SLC16A7: variants seen among roughly 807,000 people sequenced by gnomAD.
SLC16A7 encodes solute carrier family 16 member 7, also known as monocarboxylate transporter 2.
A neutral mutation model predicts 34.9 loss-of-function variants in SLC16A7; 33 were observed. The observed-to-expected ratio is 0.94, with a 90% CI of 0.72 to 1.26. The LOEUF is 1.26. Ranked by LOEUF, SLC16A7 falls within the 50% of genes most tolerant of loss-of-function variation. SLC16A7 has a pLI of 0.00. For missense variants in SLC16A7, 573 were observed against 578.1 expected (o/e 0.99, Z 0.09); for synonymous variants, 201 against 206.6 (o/e 0.97, Z 0.23).
At chr12:59,728,181 A>T (rs1003618504) in intron 3 of SLC16A7, among the ~76,000 whole-genome samples, 3 of 152,268 alleles carry the variant, frequency 2.0e-5, no homozygotes, top group Admixed American at 1.3e-4. Context: ...CTGAATGTTT[A>T]AAAAAATCAC....
At chr12:59,657,548 T>C (rs1868597715) in intron 2 of SLC16A7, among the ~76,000 whole-genome samples, 1 of 151,994 alleles carries the variant, frequency 6.6e-6, no homozygotes, top group Non-Finnish European at 1.5e-5. Flanking sequence ...AAAGACATTG[T>C]TGAGAGAGGA....
chr12:59,748,345 CTG>C (rs1010990325), intron 3 of SLC16A7, among the ~76,000 whole-genome samples: 3 of 152,192 alleles, frequency 2.0e-5, no homozygotes, highest in African/African-American at 7.2e-5. Context: ...CTGAAATTAA[CTG>C]TAATACATAC....
intron 1 of SLC16A7, among the ~76,000 whole-genome samples, chr12:59,606,231 T>C (rs1313259885): frequency 1.3e-5 from 2 of 152,198 alleles, no homozygotes; most frequent in Admixed American, 6.5e-5. Flanking sequence ...TATGAGGAGA[T>C]TCAAGTGCTG....
chr12:59,771,452 C>A, intron 4 of SLC16A7, 90 bp downstream of exon 4: 1 of 935,194 alleles, frequency 1.1e-6, no homozygotes, highest in Non-Finnish European at 1.5e-6. Flanking sequence ...TTCTTATTTT[C>A]TTTGAATTTA....
chr12:59,687,906 G>A (rs1871282250), intron 2 of SLC16A7, among the ~76,000 whole-genome samples: 1 of 152,208 alleles, frequency 6.6e-6, no homozygotes, highest in South Asian at 2.1e-4. Context: ...ATGGATGGGG[G>A]CTATACTTTG....
intron 2 of SLC16A7, among the ~76,000 whole-genome samples, chr12:59,684,228 T>C (rs1870971643): frequency 6.6e-6 from 1 of 152,072 alleles, no homozygotes; most frequent in South Asian, 2.1e-4. Context: ...GCTAAGAAAA[T>C]AACTAGAAAA....
At chr12:59,677,053 G>A (rs533731679) in intron 2 of SLC16A7, among the ~76,000 whole-genome samples, 19 of 152,008 alleles carry the variant, frequency 1.2e-4, no homozygotes, top group Admixed American at 4.6e-4. Context: ...CCCATTGCTC[G>A]TGTGTGTGTA....
chr12:59,708,733 A>G (rs1873876327), intron 3 of SLC16A7, among the ~76,000 whole-genome samples: 1 of 151,278 alleles, frequency 6.6e-6, no homozygotes, highest in Non-Finnish European at 1.5e-5. Flanking sequence ...TGATGTCAGG[A>G]CTGGAGTCTC....
intron 3 of SLC16A7, among the ~76,000 whole-genome samples, chr12:59,724,373 G>C (rs899249861): frequency 1.3e-5 from 2 of 151,942 alleles, no homozygotes; most frequent in African/African-American, 2.4e-5. Context: ...GTATACTAAA[G>C]AAAGAAGAAA....
chr12:59,636,033 G>T (rs1275543314), intron 1 of SLC16A7, among the ~76,000 whole-genome samples: 3 of 147,292 alleles, frequency 2.0e-5, no homozygotes, highest in Non-Finnish European at 3.0e-5. Flanking sequence ...TGTAGGGTAT[G>T]CTGAATGTGA....
chr12:59,712,592 C>T (rs928269218), intron 3 of SLC16A7, among the ~76,000 whole-genome samples: 10 of 152,128 alleles, frequency 6.6e-5, no homozygotes, highest in Non-Finnish European at 1.3e-4. Flanking sequence ...TAGAAAGGCC[C>T]GTTTTCATTC....
At chr12:59,660,864 C>T (rs1592446678) in intron 2 of SLC16A7, among the ~76,000 whole-genome samples, 1 of 152,040 alleles carries the variant, frequency 6.6e-6, no homozygotes, top group African/African-American at 2.4e-5. Context: ...TTAATGTTGC[C>T]TCAAACTTCA....
chr12:59,732,551 G>A (rs1288517611), intron 3 of SLC16A7, among the ~76,000 whole-genome samples: 1 of 152,216 alleles, frequency 6.6e-6, no homozygotes, highest in Non-Finnish European at 1.5e-5. Context: ...GATCATATGT[G>A]ACTGAAGCCT....
intron 2 of SLC16A7, among the ~76,000 whole-genome samples, chr12:59,685,597 G>A (rs753103068): frequency 5.3e-5 from 8 of 152,046 alleles, no homozygotes; most frequent in Non-Finnish European, 8.8e-5. Context: ...ACAACATGTG[G>A]TTGATATGAT....
intron 3 of SLC16A7, chr12:59,761,219 T>TTAACAATACA: frequency 2.9e-6 from 3 of 1,038,724 alleles, no homozygotes; most frequent in Non-Finnish European, 3.9e-6. Flanking sequence ...GAAACTGTAT[T>TTAACAATACA]GTTAAATACT....
rs959660794 is a variant in SLC16A7 at position 59,732,427 on chromosome 12, A to G, written c.217+27409A>G. 8.9e-4 allele frequency among the ~76,000 whole-genome samples: 136 copies of G among 152,078 alleles called. 1 individual carries two copies. Among genetic ancestry groups the G allele is most frequent in the Non-Finnish European group, 4.0e-4 (27 of 67,980 alleles). ...AAGAGCAAAACTCCGTCTCAAGGGG[A>G]AAAAAATGCTATAGTTTTAGTACTA... On this transcript the variant is annotated intron_variant, in intron 3 of 5. Coordinates refer to ENST00000547379, the MANE Select transcript of SLC16A7 (RefSeq NM_001270623.2).
chr12:59,736,258 C>G (rs1877577455), intron 3 of SLC16A7, among the ~76,000 whole-genome samples: 1 of 151,902 alleles, frequency 6.6e-6, no homozygotes, highest in Non-Finnish European at 1.5e-5. Context: ...ATAAAAATTG[C>G]TAGAGAGTGG....
At chr12:59,738,907 T>C (rs1877932807) in intron 3 of SLC16A7, among the ~76,000 whole-genome samples, 2 of 151,696 alleles carry the variant, frequency 1.3e-5, no homozygotes, top group South Asian at 4.1e-4. Flanking sequence ...TTTATATCAC[T>C]TACCCATTTA....
intron 3 of SLC16A7, among the ~76,000 whole-genome samples, chr12:59,769,733 T>C (rs1175988554): frequency 6.6e-6 from 1 of 152,094 alleles, no homozygotes; most frequent in Non-Finnish European, 1.5e-5. Flanking sequence ...GATAAGTGAA[T>C]CTCAATGTGT....
Sources: allele counts gnomAD v4.1 joint callset (sites outside exome capture counted in the v4.1 genomes callset), GRCh38; gene constraint gnomAD v4.1.1; transcripts MANE v1.5; gene names NCBI Gene and HGNC (gene_info 2026-07-23, HGNC 2026-07-21).